Variants in CHP1 observed in about 807,000 individuals in gnomAD.
CHP1 encodes calcineurin B homologous protein 1.
In CHP1, 11 loss-of-function variants were observed where a neutral mutation model predicts 27.4. The observed-to-expected ratio is 0.40, with a 90% CI of 0.25 to 0.67. The LOEUF (loss-of-function observed/expected upper bound fraction) is 0.67. Among genes scored for constraint, CHP1 ranks in the 30% least tolerant of loss-of-function variants. The pLI is 0.38. For missense variants in CHP1, 169 were observed against 251.3 expected (o/e 0.67, Z 2.22); for synonymous variants, 89 against 87.4 (o/e 1.02, Z -0.10).
chr15:41,258,431 A>T (rs2047413931), intron 3 of CHP1, among the ~76,000 whole-genome samples: 1 of 152,126 alleles, frequency 6.6e-6, no homozygotes, highest in South Asian at 2.1e-4. Flanking sequence ...TCATCCAATA[A>T]TCTGTTTTAT....
rs571641733 is a variant in CHP1, at chr15:41,273,562, G to A, written c.411+2944G>A. Among the ~76,000 whole-genome samples, 71 of 151,902 alleles carry A rather than the reference G, an allele frequency of 4.7e-4. 1 individual carries two copies. In the South Asian group the frequency reaches 0.014, roughly 29 times the overall value. On this transcript the variant is annotated intron_variant, in intron 5 of 6. Coordinates refer to ENST00000334660, the MANE Select transcript of CHP1 (RefSeq NM_007236.5). ...ACACACAGCTAATTTTGTATTTTTA[G>A]TAGAGACGGGGTTTCACCATGTTGG...
intron 1 of CHP1, 106 bp from the exon 2 acceptor site, chr15:41,243,561 C>T (rs1183108748): frequency 9.3e-6 from 7 of 749,564 alleles, no homozygotes; most frequent in South Asian, 7.0e-5. Flanking sequence ...ATAAGAGTTT[C>T]GACATCCCAG....
Position 41,262,853 on chromosome 15 carries a change from C to G in CHP1, c.319C>G (p.Pro107Ala), listed in dbSNP as rs777975224. The G allele has an allele frequency of 2.5e-5, 40 of 1,613,978 alleles. No homozygotes were observed. The highest frequency in any genetic ancestry group is 2.7e-5 in the Non-Finnish European group (32 of 1,180,032). Reference sequence around the variant, plus strand: ...GAGCAAAGATGTGAATGGACCCGAACCACTCAACAGCCGAAGCAACAAACT... The same window carrying G: ...GAGCAAAGATGTGAATGGACCCGAAGCACTCAACAGCCGAAGCAACAAACT... ...EKSKDVNGPE[P>A]LNSRSNKLHF... Residue 107 changes from proline (P) to alanine (A), a missense_variant, in exon 4 of 7, where the codon CCA becomes GCA. Pro to Ala is a conservative substitution (Grantham distance 27). Coordinates refer to ENST00000334660, the MANE Select transcript of CHP1 (RefSeq NM_007236.5).
At position 41,280,185 on chromosome 15, in the gene CHP1, T is replaced by C. The variant is rs1471834002; in HGVS notation, c.*796T>C. The C allele has an allele frequency of 2.0e-5, 3 of 152,274 alleles. No homozygotes were observed. The highest frequency in any genetic ancestry group is 1.3e-4 in the Admixed American group (2 of 15,264). 9.4% of individuals were successfully genotyped at this position (152,274 alleles called of 1,614,324 possible). A position where few individuals can be genotyped will look rare whatever the true frequency, so the allele number is the denominator to read the frequency against. ...TTGCTTGCCCACATCACTCTATCTCTGGCCTCTGATTCTCAACTTTGTACC... is the reference window on the plus strand; with the variant it reads ...TTGCTTGCCCACATCACTCTATCTCCGGCCTCTGATTCTCAACTTTGTACC... On this transcript the variant is annotated 3_prime_UTR_variant, in exon 7 of 7. Coordinates refer to ENST00000334660, the MANE Select transcript of CHP1 (RefSeq NM_007236.5).
intron 3 of CHP1, among the ~76,000 whole-genome samples, chr15:41,258,126 A>G (rs1370010563): frequency 6.6e-6 from 1 of 152,118 alleles, no homozygotes. Context: ...ACGTACATAC[A>G]TACACATACA....
chr15:41,278,205 C>T lies in CHP1; in HGVS notation c.412-562C>T, dbSNP rs145992982. Among the ~76,000 whole-genome samples, 719 of 151,564 alleles carry T rather than the reference C, an allele frequency of 4.7e-3. 8 individuals carry two copies. The highest frequency in any genetic ancestry group is 0.017 in the African/African-American group (686 of 41,352). The stretch of plus-strand genomic sequence containing the variant: ...TAGCCTAGCCGGGCACGGTGGCAGG[C>T]GCCTGTAATCCTAGCTACGCAGGAG... On this transcript the variant is annotated intron_variant, in intron 5 of 6. Coordinates refer to ENST00000334660, the MANE Select transcript of CHP1 (RefSeq NM_007236.5).
chr15:41,236,319 T>A (rs1172317226), intron 1 of CHP1, among the ~76,000 whole-genome samples: 1 of 152,266 alleles, frequency 6.6e-6, no homozygotes, highest in East Asian at 1.9e-4. Context: ...TGGAGTGCAA[T>A]GGCATGATCA....
intron 1 of CHP1, among the ~76,000 whole-genome samples, chr15:41,236,386 T>C (rs569530304): frequency 6.6e-6 from 1 of 152,070 alleles, no homozygotes; most frequent in Admixed American, 6.6e-5. Flanking sequence ...CTCAGCCTCC[T>C]GAGTAGCTGG....
intron 2 of CHP1, among the ~76,000 whole-genome samples, chr15:41,247,933 T>C (rs1157995634): frequency 3.3e-5 from 5 of 151,218 alleles, no homozygotes; most frequent in Non-Finnish European, 7.4e-5. Context: ...CACACCACCA[T>C]ACTCCAGCCT....
In CHP1 at chr15:41,265,363, CAAAAAAAAAAAAAAAA is replaced by C. The variant is rs544658200; in HGVS notation, c.349+2497_349+2512del. Among the ~76,000 whole-genome samples the C allele has an allele frequency of 4.9e-3, 181 of 36,930 alleles. 2 individuals carry two copies. Among genetic ancestry groups the C allele is most frequent in the Middle Eastern group, 0.031 (1 of 32 alleles). 24.2% of individuals were successfully genotyped at this position (36,930 alleles called of 152,430 possible). On this transcript the variant is annotated intron_variant, in intron 4 of 6. Transcript: ENST00000334660. ...TGGGTGATAGAGCGAGACTCTGTCT[CAAAAAAAAAAAAAAAA>C]AAAAAAAAAAAAAAAAGGAGATGTG...
chr15:41,275,922 C>T (rs2047517450), intron 5 of CHP1, among the ~76,000 whole-genome samples: 1 of 152,048 alleles, frequency 6.6e-6, no homozygotes, highest in Non-Finnish European at 1.5e-5. Context: ...TCCACCATGC[C>T]CGGCCCATGA....
intron 3 of CHP1, among the ~76,000 whole-genome samples, chr15:41,258,754 A>G (rs556394147): frequency 6.6e-6 from 1 of 152,346 alleles, no homozygotes; most frequent in Admixed American, 6.5e-5. Context: ...AATTTCCTAA[A>G]CAATCTATTC....
chr15:41,252,933 T>G (rs1376340136), intron 2 of CHP1, among the ~76,000 whole-genome samples: 3 of 120,934 alleles, frequency 2.5e-5, no homozygotes, highest in Admixed American at 8.4e-5. Flanking sequence ...CATGGTTTTT[T>G]TTTTTTTTTT....
At position 41,270,266 on chromosome 15, in the gene CHP1, T is replaced by TGG. The variant is rs147322871; in HGVS notation, c.350-283_350-282dup. Reference sequence around the variant, plus strand: ...TTACAGAACCACGTAAGGAGTGTTTTGGGGGGGGGCGTTTAACATTCTAGG... The same window carrying TGG: ...TTACAGAACCACGTAAGGAGTGTTTTGGGGGGGGGGGCGTTTAACATTCTAGG... On this transcript the variant is annotated intron_variant, in intron 4 of 6. Transcript: ENST00000334660. 4.8e-3 allele frequency among the ~76,000 whole-genome samples: 723 copies of TGG among 149,966 alleles called. 4 individuals carry two copies. Among genetic ancestry groups the TGG allele is most frequent in the Non-Finnish European group, 8.3e-3 (556 of 67,366 alleles).
chr15:41,241,128 G>A (rs893372390), intron 1 of CHP1, among the ~76,000 whole-genome samples: 1 of 152,194 alleles, frequency 6.6e-6, no homozygotes, highest in Non-Finnish European at 1.5e-5. Context: ...TGAGATTACA[G>A]GCGTGAGCCA....
At position 41,231,315 on chromosome 15, in the gene CHP1, C is replaced by T. The variant is rs777324483; in HGVS notation, c.-68C>T. The stretch of plus-strand genomic sequence containing the variant: ...TTCTTGACCCCTAGCCCTTCCTTCC[C>T]TCCCTCCTTCCCTCCTGTCGCCGTC... On this transcript the variant is annotated 5_prime_UTR_variant, in exon 1 of 7. Transcript: ENST00000334660. The T allele has an allele frequency of 1.6e-5, 23 of 1,453,274 alleles. No individual in the cohort carries two copies. The highest frequency in any genetic ancestry group is 2.1e-5 in the Non-Finnish European group (22 of 1,056,208). 90.0% of individuals were successfully genotyped at this position (1,453,274 alleles called of 1,614,324 possible). A position where few individuals can be genotyped will look rare whatever the true frequency, so the allele number is the denominator to read the frequency against.
intron 1 of CHP1, among the ~76,000 whole-genome samples, chr15:41,235,884 C>T (rs1277768145): frequency 6.6e-6 from 1 of 152,188 alleles, no homozygotes; most frequent in Non-Finnish European, 1.5e-5. Flanking sequence ...GAAAACCAGG[C>T]TGTCTTCTGC....
chr15:41,231,342 C>T lies in CHP1; in HGVS notation c.-41C>T, dbSNP rs757625577. ...CCCTCCTTCCCTCCTGTCGCCGTCT[C>T]TTCTGGCGCCGCTGCTCCCGGAGGA... On this transcript the variant is annotated 5_prime_UTR_variant, in exon 1 of 7. Transcript: ENST00000334660. 1.9e-5 allele frequency: 29 copies of T among 1,565,684 alleles called. No homozygotes were observed. Among genetic ancestry groups the T allele is most frequent in the East Asian group, 2.3e-5 (1 of 43,074 alleles).
chr15:41,272,711 G>A (rs898454345), intron 5 of CHP1, among the ~76,000 whole-genome samples: 2 of 151,598 alleles, frequency 1.3e-5, no homozygotes, highest in Non-Finnish European at 1.5e-5. Context: ...GTGAGCCACC[G>A]TACCCAGCCA....
Sources: gnomAD v4.1 joint callset for allele counts (sites outside exome capture counted in the v4.1 genomes callset) on GRCh38, gnomAD v4.1.1 for gene constraint, MANE v1.5 for transcripts, NCBI Gene and HGNC (gene_info 2026-07-23, HGNC 2026-07-21) for gene names.